Variants in EDEM3 observed in about 807,000 individuals in gnomAD.
EDEM3 encodes the protein ER degradation-enhancing alpha-mannosidase-like protein 3.
Under a neutral mutation model 110.2 loss-of-function variants are expected in EDEM3, and 60 were observed. The observed-to-expected ratio is 0.54, with a 90% CI of 0.44 to 0.67. The LOEUF (loss-of-function observed/expected upper bound fraction) is 0.67. EDEM3 is among the 30% of genes least tolerant of loss of function. The pLI is 0.00. For missense variants in EDEM3, 996 were observed against 1,121.0 expected (o/e 0.89, Z 1.59); for synonymous variants, 352 against 382.9 (o/e 0.92, Z 0.94).
chr1:184,705,648 T>G (rs1456244033), intron 18 of EDEM3, among the ~76,000 whole-genome samples: 1 of 152,168 alleles, frequency 6.6e-6, no homozygotes, highest in Non-Finnish European at 1.5e-5. Context: ...GTTAATATTC[T>G]GTTTTACCTG....
rs1211337931 is a variant in EDEM3 at position 184,754,792 on chromosome 1, C to T, written c.-146G>A. On this transcript the variant is annotated 5_prime_UTR_variant, in exon 1 of 20. Coordinates refer to ENST00000318130, the MANE Select transcript of EDEM3 (RefSeq NM_025191.4). ...ACGGCCGCCGGCGCCAAACTGTTTC[C>T]CGAAGCCACCAAGCCGGTCCCCAGC... The T allele has an allele frequency of 2.3e-6, 3 of 1,300,226 alleles. No individual in the cohort carries two copies. Among genetic ancestry groups the T allele is most frequent in the African/African-American group, 1.6e-5 (1 of 63,528 alleles). 80.5% of individuals were successfully genotyped at this position (1,300,226 alleles called of 1,614,324 possible). A position where few individuals can be genotyped will look rare whatever the true frequency, so the allele number is the denominator to read the frequency against.
Position 184,694,397 on chromosome 1 carries a change from G to A in EDEM3, c.2465C>T (p.Ser822Leu), listed in dbSNP as rs149252365. The change falls in exon 20 of 20, where the codon TCA becomes TTA. Residue 822 changes from serine (S) to leucine (L), a missense_variant. This residue lies in a region of EDEM3 where 345 missense variants were observed against 402.0 expected (regional missense o/e 0.86). Transcript: ENST00000318130. ...AACCAAATCAACCTCCTGAGAACTT[G>A]ATGAAATCTGTTCACCACTCTGATT... ...SQNQSGEQIS[S>L]SSQEVDLVDQ... The A allele has an allele frequency of 5.5e-4, 884 of 1,612,132 alleles. 8 individuals carry two copies. The highest frequency in any genetic ancestry group is 5.0e-4 in the Middle Eastern group (3 of 6,038).
At chr1:184,704,304 T>C (rs1277832483) in intron 18 of EDEM3, among the ~76,000 whole-genome samples, 1 of 152,106 alleles carries the variant, frequency 6.6e-6, no homozygotes, top group Non-Finnish European at 1.5e-5. Context: ...CAAAATGCTT[T>C]GTCAGAAACA....
chr1:184,705,548 T>C lies in EDEM3; in HGVS notation c.2203+1095A>G, dbSNP rs556396882. ...CTGGATTTGGCCTATAGTCTTGTAGTTTGCCAACTGCTGATTTAAGTCATT... is the reference window on the plus strand; with the variant it reads ...CTGGATTTGGCCTATAGTCTTGTAGCTTGCCAACTGCTGATTTAAGTCATT... On this transcript the variant is annotated intron_variant, in intron 18 of 19. Transcript: ENST00000318130. 5.2e-4 allele frequency among the ~76,000 whole-genome samples: 79 copies of C among 152,342 alleles called. 1 individual carries two copies. The highest frequency in any genetic ancestry group is 3.1e-3 in the South Asian group (15 of 4,824).
chr1:184,726,508 A>G (rs1408623190), intron 6 of EDEM3, 119 bp from the exon 7 acceptor site: 2 of 1,114,900 alleles, frequency 1.8e-6, no homozygotes, highest in Non-Finnish European at 2.5e-6. Flanking sequence ...AAATAACTAA[A>G]CACTGAAATT....
chr1:184,730,823 A>G (rs1651469112), intron 6 of EDEM3, among the ~76,000 whole-genome samples: 1 of 151,424 alleles, frequency 6.6e-6, no homozygotes, highest in African/African-American at 2.4e-5. Context: ...TAGAGAAGTT[A>G]TGCCGGGTGA....
intron 6 of EDEM3, among the ~76,000 whole-genome samples, chr1:184,732,279 T>C (rs1055260598): frequency 2.0e-5 from 3 of 151,840 alleles, no homozygotes; most frequent in Non-Finnish European, 4.4e-5. Context: ...CTCATGGAGA[T>C]AGAGAGTAGA....
intron 15 of EDEM3, 42 bp downstream of exon 15, chr1:184,711,681 A>G (rs761168317): frequency 6.6e-7 from 1 of 1,519,134 alleles, no homozygotes; most frequent in Non-Finnish European, 8.8e-7. Flanking sequence ...ATTTACTAAG[A>G]AACAACTTTG....
At chr1:184,730,827 C>T (rs1489480540) in intron 6 of EDEM3, among the ~76,000 whole-genome samples, 6 of 148,076 alleles carry the variant, frequency 4.1e-5, no homozygotes, top group African/African-American at 5.0e-5. Context: ...GAAGTTATGC[C>T]GGGTGATAGA....
At chr1:184,753,600 T>C (rs1229431783) in intron 1 of EDEM3, among the ~76,000 whole-genome samples, 1 of 152,180 alleles carries the variant, frequency 6.6e-6, no homozygotes, top group Non-Finnish European at 1.5e-5. Flanking sequence ...TAAGCCTTTT[T>C]TTTCTATTCC....
At chr1:184,720,605 G>A (rs1419793278) in intron 9 of EDEM3, 1 of 150,158 alleles carries the variant, frequency 6.7e-6, no homozygotes, top group East Asian at 2.0e-4. Flanking sequence ...CGCCTCCCGG[G>A]TTCACGCCAT....
At chr1:184,741,455 T>G (rs1236632113) in intron 2 of EDEM3, among the ~76,000 whole-genome samples, 1 of 152,046 alleles carries the variant, frequency 6.6e-6, no homozygotes, top group South Asian at 2.1e-4. Context: ...TAAATTTCAA[T>G]GTTTCTAATA....
At chr1:184,738,447 ATTTCAAT>A (rs1270788574) in intron 2 of EDEM3, among the ~76,000 whole-genome samples, 1 of 152,170 alleles carries the variant, frequency 6.6e-6, no homozygotes, top group Non-Finnish European at 1.5e-5. Context: ...ATGGAGGTTG[ATTTCAAT>A]TTTTTTCTAT....
At chr1:184,707,737 G>T (rs1477556543) in intron 17 of EDEM3, among the ~76,000 whole-genome samples, 1 of 152,186 alleles carries the variant, frequency 6.6e-6, no homozygotes, top group Non-Finnish European at 1.5e-5. Context: ...AGTTTGCCCA[G>T]TGGAACCTCA....
intron 9 of EDEM3, chr1:184,720,796 T>G (rs1650858743): frequency 6.5e-6 from 1 of 153,802 alleles, no homozygotes; most frequent in Non-Finnish European, 1.4e-5. Flanking sequence ...GGTTCAATAA[T>G]CCTCCCACTT....
At chr1:184,744,790 G>C (rs1253616297) in intron 2 of EDEM3, among the ~76,000 whole-genome samples, 2 of 151,888 alleles carry the variant, frequency 1.3e-5, no homozygotes, top group East Asian at 3.8e-4. Context: ...TAACACTACT[G>C]AGCAATAAAT....
At chr1:184,722,263 A>G (rs1169835517) in intron 8 of EDEM3, among the ~76,000 whole-genome samples, 1 of 152,038 alleles carries the variant, frequency 6.6e-6, no homozygotes, top group Non-Finnish European at 1.5e-5. Flanking sequence ...TTAAATCAAC[A>G]TATTATGTTA....
At chr1:184,742,922 T>C (rs991864032) in intron 2 of EDEM3, among the ~76,000 whole-genome samples, 44 of 152,322 alleles carry the variant, frequency 2.9e-4, no homozygotes, top group African/African-American at 1.1e-3. Flanking sequence ...TGTAAACAGT[T>C]CCTTACTATT....
chr1:184,706,872 C>A (rs1649960696), intron 17 of EDEM3, 64 bp from the exon 18 acceptor site: 2 of 1,515,914 alleles, frequency 1.3e-6, no homozygotes, highest in Non-Finnish European at 1.8e-6. Flanking sequence ...GTCATTAAAC[C>A]TCAATATCTA....
Sources: gnomAD v4.1 joint callset for allele counts (sites outside exome capture counted in the v4.1 genomes callset) on GRCh38, gnomAD v4.1.1 for gene constraint, gnomAD v4.1.1 regional missense constraint, MANE v1.5 for transcripts, NCBI Gene and HGNC (gene_info 2026-07-23, HGNC 2026-07-21) for gene names.